UBE2K: variants seen among roughly 807,000 people sequenced by gnomAD.
The protein encoded by UBE2K is ubiquitin-conjugating enzyme E2 K.
A neutral mutation model predicts 30.0 loss-of-function variants in UBE2K; 6 were observed. The ratio of observed to expected loss-of-function variants is 0.20; its 90% CI spans 0.11 to 0.39. UBE2K has a LOEUF of 0.39. UBE2K is among the 10% of genes least tolerant of loss of function. The pLI, the probability that UBE2K is intolerant of heterozygous loss-of-function variation, is 1.00. For missense variants in UBE2K, 61 were observed against 241.6 expected (o/e 0.25, Z 4.96); for synonymous variants, 86 against 83.7 (o/e 1.03, Z -0.15).
rs1053479272 is a variant in UBE2K, at chr4:39,698,467, C to T, written c.63+77C>T. The T allele has an allele frequency of 4.7e-5, 65 of 1,383,668 alleles. No homozygotes were observed. The African/African-American group carries it at 7.1e-4, about 15-fold the overall frequency. 85.7% of individuals were successfully genotyped at this position (1,383,668 alleles called of 1,614,324 possible). On this transcript the variant is annotated intron_variant, in intron 1 of 6. Transcript: ENST00000261427. ...CCTCCCAGCTGCGACCCCGATATCC[C>T]CGGTAGTCCCTGGGTGGTCCTCCTT...
Position 39,771,493 on chromosome 4 carries a change from C to T in UBE2K, c.300-3341C>T, listed in dbSNP as rs1712835584. ...CCGCGCGCTGTTTTTTTTTAATCCCCTATTTTCCCCACCCCCGCGGGGCCG... is the reference window on the plus strand; with the variant it reads ...CCGCGCGCTGTTTTTTTTTAATCCCTTATTTTCCCCACCCCCGCGGGGCCG... On this transcript the variant is annotated intron_variant, in intron 4 of 6. Transcript: ENST00000261427. The T allele has an allele frequency of 4.7e-6, 7 of 1,481,914 alleles. No homozygotes were observed. The Admixed American group carries it at 1.4e-4, about 30-fold the overall frequency. The allele number at this position is 1,481,914 out of a possible 1,614,324, so 91.8% of individuals were successfully genotyped here. A position where few individuals can be genotyped will look rare whatever the true frequency, so the allele number is the denominator to read the frequency against.
intron 1 of UBE2K, among the ~76,000 whole-genome samples, chr4:39,708,579 TTATGTATTTTAA>T (rs1718504418): frequency 6.6e-6 from 1 of 152,032 alleles, no homozygotes; most frequent in African/African-American, 2.4e-5. Context: ...TGAGTATATA[TTATGTATTTTAA>T]GTTTGAAAGT....
intron 1 of UBE2K, among the ~76,000 whole-genome samples, chr4:39,718,123 C>T (rs962175119): frequency 2.0e-5 from 3 of 152,138 alleles, no homozygotes; most frequent in African/African-American, 7.2e-5. Flanking sequence ...CTTATCTGGC[C>T]CCACGCACAT....
chr4:39,748,620 CAAAAAA>C (rs33918227), intron 3 of UBE2K, among the ~76,000 whole-genome samples: 4 of 123,510 alleles, frequency 3.2e-5, no homozygotes, highest in East Asian at 4.7e-4. Flanking sequence ...TCTCTAGTCC[CAAAAAA>C]AAAAAAAAAG....
At chr4:39,714,550 A>ATATATATATATATTTT in intron 1 of UBE2K, 2 of 17,852 alleles carry the variant, frequency 1.1e-4, no homozygotes, top group East Asian at 3.6e-3. Context: ...ATATATATAT[A>ATATATATATATATTTT]TTTTTTTTTT....
chr4:39,739,151 C>G (rs1376825160), intron 2 of UBE2K, among the ~76,000 whole-genome samples: 2 of 151,904 alleles, frequency 1.3e-5, no homozygotes, highest in African/African-American at 4.8e-5. Flanking sequence ...CCTCAGCCTT[C>G]CGAGCAGCTG....
intron 1 of UBE2K, among the ~76,000 whole-genome samples, chr4:39,732,977 A>G (rs1324505236): frequency 6.7e-6 from 1 of 148,484 alleles, no homozygotes; most frequent in Non-Finnish European, 1.5e-5. Context: ...TGCCTGGCCT[A>G]GCTGCTATAG....
intron 4 of UBE2K, among the ~76,000 whole-genome samples, chr4:39,757,708 T>C (rs539893489): frequency 4.3e-4 from 66 of 152,332 alleles, no homozygotes; most frequent in African/African-American, 1.5e-3. Flanking sequence ...ATCCATTAGG[T>C]TATCGCCAAG....
At position 39,781,871 on chromosome 4, in the gene UBE2K, T is replaced by G. The variant is rs1002632006; in HGVS notation, c.*3437T>G. 7.5e-6 allele frequency: 3 copies of G among 398,328 alleles called. No homozygotes were observed. In the South Asian group the frequency reaches 3.8e-4, roughly 51 times the overall value. The allele number at this position is 398,328 out of a possible 1,614,324, so 24.7% of individuals were successfully genotyped here. ...CGTTTCCATTCTTTTTAGTATCAGT[T>G]TAAAGTAAATGCTTACCATCAGCCA... On this transcript the variant is annotated 3_prime_UTR_variant, in exon 7 of 7. Transcript: ENST00000261427.
At chr4:39,755,809 T>A in intron 4 of UBE2K, 70 bp downstream of exon 4, 2 of 1,143,590 alleles carry the variant, frequency 1.7e-6, no homozygotes, top group Non-Finnish European at 2.5e-6. Context: ...GTTAAATGTG[T>A]AATTGCCTCA....
intron 1 of UBE2K, among the ~76,000 whole-genome samples, chr4:39,706,455 G>A (rs1165891199): frequency 6.7e-6 from 1 of 149,992 alleles, no homozygotes; most frequent in African/African-American, 2.5e-5. Context: ...GAGCCACCAT[G>A]CCTGGCATGC....
At chr4:39,759,362 C>T (rs971109484) in intron 4 of UBE2K, among the ~76,000 whole-genome samples, 12 of 152,132 alleles carry the variant, frequency 7.9e-5, no homozygotes, top group East Asian at 1.9e-4. Flanking sequence ...CTGCAACCTC[C>T]GCCTCCCGGG....
At chr4:39,777,935 CA>C (rs1713370899) in intron 6 of UBE2K, 125 bp downstream of exon 6, 1 of 881,202 alleles carries the variant, frequency 1.1e-6, no homozygotes, top group African/African-American at 1.8e-5. Flanking sequence ...TGGCGAAACC[CA>C]TCTCTACAAA....
At chr4:39,703,869 C>T (rs1311426058) in intron 1 of UBE2K, among the ~76,000 whole-genome samples, 1 of 144,666 alleles carries the variant, frequency 6.9e-6, no homozygotes. Flanking sequence ...AAAAAGAATA[C>T]TTTGAGACTT....
Position 39,698,150 on chromosome 4 carries a change from C to A in UBE2K, c.-178C>A. On this transcript the variant is annotated 5_prime_UTR_variant, in exon 1 of 7. Transcript: ENST00000261427. ...GCCGACCCGGCGCCATTTTGGTGGCCGGGCGCGGAGGTGATTCCACACTGA... is the reference window on the plus strand; with the variant it reads ...GCCGACCCGGCGCCATTTTGGTGGCAGGGCGCGGAGGTGATTCCACACTGA... 3.0e-6 allele frequency: 2 copies of A among 659,274 alleles called. No homozygotes were observed. The highest frequency in any genetic ancestry group is 5.4e-6 in the Non-Finnish European group (2 of 367,230). 40.8% of individuals were successfully genotyped at this position (659,274 alleles called of 1,614,324 possible). A position where few individuals can be genotyped will look rare whatever the true frequency, so the allele number is the denominator to read the frequency against.
At chr4:39,773,447 G>A (rs562440708) in intron 4 of UBE2K, among the ~76,000 whole-genome samples, 3 of 151,884 alleles carry the variant, frequency 2.0e-5, no homozygotes, top group South Asian at 4.2e-4. Context: ...CAGCCTCGGC[G>A]GCAGAGTGAG....
At chr4:39,741,116 CA>C (rs1452549380) in intron 2 of UBE2K, among the ~76,000 whole-genome samples, 1 of 151,652 alleles carries the variant, frequency 6.6e-6, no homozygotes, top group Non-Finnish European at 1.5e-5. Flanking sequence ...ACTAAAAATA[CA>C]AAAATTAGCT....
chr4:39,718,320 A>G (rs1719220067), intron 1 of UBE2K, among the ~76,000 whole-genome samples: 1 of 152,240 alleles, frequency 6.6e-6, no homozygotes, highest in African/African-American at 2.4e-5. Context: ...TGAGCTAGAC[A>G]CAGAGTGCTG....
intron 1 of UBE2K, among the ~76,000 whole-genome samples, chr4:39,711,714 C>G (rs1414707858): frequency 6.6e-6 from 1 of 151,764 alleles, no homozygotes; most frequent in Non-Finnish European, 1.5e-5. Context: ...TCACTGTTCT[C>G]CAGATGATTG....
Sources: gnomAD v4.1 joint callset for allele counts (sites outside exome capture counted in the v4.1 genomes callset) on GRCh38, gnomAD v4.1.1 for gene constraint, MANE v1.5 for transcripts, NCBI Gene and HGNC (gene_info 2026-07-23, HGNC 2026-07-21) for gene names.